Variants in CAMK1D observed in about 807,000 individuals in gnomAD.
The protein encoded by CAMK1D is calcium/calmodulin dependent protein kinase ID, also known as calcium/calmodulin-dependent protein kinase type 1D.
In CAMK1D, 9 loss-of-function variants were observed where a neutral mutation model predicts 47.7. The observed-to-expected ratio is 0.19, with a 90% CI of 0.11 to 0.33. The LOEUF (loss-of-function observed/expected upper bound fraction) is 0.33, where lower values mean the gene tolerates loss of function less well. CAMK1D is among the 10% of genes least tolerant of loss of function. The pLI is 1.00. For synonymous variants in CAMK1D, 184 were observed against 184.9 expected (o/e 0.99, Z 0.04); for missense variants, 291 against 488.7 (o/e 0.60, Z 3.81).
chr10:12,632,124 C>T (rs1434281842), intron 2 of CAMK1D, among the ~76,000 whole-genome samples: 1 of 152,216 alleles, frequency 6.6e-6, no homozygotes, highest in Non-Finnish European at 1.5e-5. Flanking sequence ...TCATTCAACT[C>T]ACTACAGGCT....
At chr10:12,726,251 C>T (rs367571769) in intron 3 of CAMK1D, among the ~76,000 whole-genome samples, 7 of 151,730 alleles carry the variant, frequency 4.6e-5, no homozygotes, top group East Asian at 3.9e-4. Context: ...TGGTGAAACC[C>T]TGTTTCTACT....
At chr10:12,453,068 A>T (rs1235401742) in intron 1 of CAMK1D, among the ~76,000 whole-genome samples, 1 of 151,118 alleles carries the variant, frequency 6.6e-6, no homozygotes, top group Admixed American at 6.6e-5. Flanking sequence ...GTATTGGACT[A>T]CTCTAGGGGC....
intron 1 of CAMK1D, among the ~76,000 whole-genome samples, chr10:12,355,707 T>C (rs117670961): frequency 0.024 from 3,600 of 152,292 alleles, 64 homozygotes; most frequent in Non-Finnish European, 0.04. Flanking sequence ...GATGTTTGGA[T>C]TCCCCAGTCC....
At chr10:12,659,277 G>A (rs941821601) in intron 2 of CAMK1D, among the ~76,000 whole-genome samples, 2 of 152,190 alleles carry the variant, frequency 1.3e-5, no homozygotes, top group Non-Finnish European at 2.9e-5. Context: ...TGGATTTCAT[G>A]CTAAGAAGTT....
chr10:12,703,697 C>T (rs962053378), intron 3 of CAMK1D, among the ~76,000 whole-genome samples: 4 of 152,030 alleles, frequency 2.6e-5, no homozygotes, highest in Admixed American at 6.6e-5. Flanking sequence ...GGTGAAACCC[C>T]GTCTTTACTG....
chr10:12,662,782 TA>T (rs1219844946), intron 2 of CAMK1D, among the ~76,000 whole-genome samples: 5 of 152,308 alleles, frequency 3.3e-5, no homozygotes, highest in African/African-American at 9.6e-5. Flanking sequence ...GGGGTGACAG[TA>T]GTGAAACAGT....
chr10:12,721,518 A>G (rs1403245234), intron 3 of CAMK1D, among the ~76,000 whole-genome samples: 2 of 151,146 alleles, frequency 1.3e-5, no homozygotes, highest in South Asian at 2.1e-4. Context: ...TCCACCATCC[A>G]TCCATCCATC....
At chr10:12,685,949 C>A (rs796700163) in intron 3 of CAMK1D, among the ~76,000 whole-genome samples, 6 of 152,286 alleles carry the variant, frequency 3.9e-5, no homozygotes, top group African/African-American at 1.4e-4. Context: ...TCCAGCACTT[C>A]CAGACTACAG....
chr10:12,399,963 G>A (rs1046155621), intron 1 of CAMK1D, among the ~76,000 whole-genome samples: 2 of 152,138 alleles, frequency 1.3e-5, no homozygotes, highest in African/African-American at 2.4e-5. Flanking sequence ...CTATATTGGT[G>A]AGATGATGTG....
chr10:12,427,726 GAGACGGAGTCTTGCTC>G (rs1840299532), intron 1 of CAMK1D, among the ~76,000 whole-genome samples: 3 of 5,478 alleles, frequency 5.5e-4, no homozygotes, highest in East Asian at 4.5e-3. Flanking sequence ...TTTTTTTTTT[GAGACGGAGTCTTGCTC>G]TTTTGCCCAG....
chr10:12,688,554 T>A (rs1037077003), intron 3 of CAMK1D, among the ~76,000 whole-genome samples: 2 of 152,200 alleles, frequency 1.3e-5, no homozygotes, highest in African/African-American at 4.8e-5. Flanking sequence ...TTGTGAACCC[T>A]AAGATCCACA....
chr10:12,727,767 C>T (rs1463490113), intron 3 of CAMK1D, among the ~76,000 whole-genome samples: 3 of 144,234 alleles, frequency 2.1e-5, no homozygotes, highest in Non-Finnish European at 3.0e-5. Context: ...TAATCACAGC[C>T]TTTTTTTTTT....
At chr10:12,723,310 T>A (rs1437479641) in intron 3 of CAMK1D, among the ~76,000 whole-genome samples, 3 of 152,150 alleles carry the variant, frequency 2.0e-5, no homozygotes, top group Non-Finnish European at 4.4e-5. Flanking sequence ...TCTGACCTCT[T>A]CCATGTAACA....
At chr10:12,616,877 T>A (rs895396105) in intron 2 of CAMK1D, among the ~76,000 whole-genome samples, 1 of 152,218 alleles carries the variant, frequency 6.6e-6, no homozygotes, top group African/African-American at 2.4e-5. Flanking sequence ...CGAGGTGGTC[T>A]CTGTCTTGAG....
At chr10:12,491,654 A>T (rs1834387018) in intron 1 of CAMK1D, among the ~76,000 whole-genome samples, 1 of 151,980 alleles carries the variant, frequency 6.6e-6, no homozygotes, top group African/African-American at 2.4e-5. Context: ...TATCGCCGAG[A>T]GGATGAACTG....
At chr10:12,678,229 T>C (rs1423305244) in intron 3 of CAMK1D, among the ~76,000 whole-genome samples, 3 of 152,230 alleles carry the variant, frequency 2.0e-5, no homozygotes, top group Non-Finnish European at 4.4e-5. Context: ...ATATTTTCCC[T>C]TGTGATTTCT....
At chr10:12,428,321 C>T (rs758424709) in intron 1 of CAMK1D, among the ~76,000 whole-genome samples, 22 of 152,094 alleles carry the variant, frequency 1.4e-4, no homozygotes, top group Non-Finnish European at 2.5e-4. Flanking sequence ...GCCCTCTTAC[C>T]TGGGCTTTTT....
intron 7 of CAMK1D, among the ~76,000 whole-genome samples, chr10:12,815,640 C>T (rs184701075): frequency 6.6e-6 from 1 of 152,378 alleles, no homozygotes; most frequent in East Asian, 1.9e-4. Flanking sequence ...TTCTGCCACC[C>T]AGCCCCTCAC....
At chr10:12,542,892 T>C (rs1174836059) in intron 1 of CAMK1D, among the ~76,000 whole-genome samples, 1 of 152,024 alleles carries the variant, frequency 6.6e-6, no homozygotes, top group African/African-American at 2.4e-5. Context: ...ATTACAGGCA[T>C]GCGCCACCAT....
Sources: allele counts gnomAD v4.1 joint callset (sites outside exome capture counted in the v4.1 genomes callset), GRCh38; gene constraint gnomAD v4.1.1; transcripts MANE v1.5; gene names NCBI Gene and HGNC (gene_info 2026-07-23, HGNC 2026-07-21).